FRY: variants seen among roughly 807,000 people sequenced by gnomAD.
FRY encodes the protein protein furry homolog.
A neutral mutation model predicts 348.4 loss-of-function variants in FRY; 128 were observed. The observed-to-expected ratio is 0.37, with a 90% CI of 0.32 to 0.43. The LOEUF (loss-of-function observed/expected upper bound fraction) is 0.43. FRY is among the 20% of genes least tolerant of loss of function. The pLI is 1.00. For missense variants in FRY, 2,736 were observed against 3,695.2 expected (o/e 0.74, Z 6.73); for synonymous variants, 1,370 against 1,374.7 (o/e 1.00, Z 0.08).
chr13:32,178,389 T>C lies in FRY; in HGVS notation c.2634T>C (p.Pro878=), dbSNP rs751661534. Residue 878 remains proline (P), a synonymous_variant, in exon 21 of 61, where the codon CCT becomes CCC. Coordinates refer to ENST00000542859, the MANE Select transcript of FRY (RefSeq NM_023037.3). ...HCPTALSYAW[P]YAFTRLQSVM... ...CCACAGCCCTCAGCTATGCCTGGCC[T>C]TATGCCTTCACTCGGCTCCAGTCGG... 7 of 1,614,042 alleles carry C rather than the reference T, an allele frequency of 4.3e-6. No individual in the cohort carries two copies. The highest frequency in any genetic ancestry group is 5.9e-6 in the Non-Finnish European group (7 of 1,179,992).
intron 3 of FRY, among the ~76,000 whole-genome samples, chr13:32,109,666 C>T (rs1877827006): frequency 6.6e-6 from 1 of 151,916 alleles, no homozygotes; most frequent in African/African-American, 2.4e-5. Flanking sequence ...GCTGAGGGGT[C>T]TAGATTATTT....
chr13:32,091,367 G>C (rs1204554355), intron 2 of FRY, among the ~76,000 whole-genome samples: 1 of 152,196 alleles, frequency 6.6e-6, no homozygotes, highest in East Asian at 1.9e-4. Flanking sequence ...TACCCCTCAT[G>C]ATGGGGAAGT....
At chr13:32,275,846 C>T (rs760365447) in intron 56 of FRY, among the ~76,000 whole-genome samples, 4 of 151,652 alleles carry the variant, frequency 2.6e-5, no homozygotes, top group African/African-American at 4.8e-5. Flanking sequence ...GCGAGACTGA[C>T]GAGCTCCTGG....
intron 1 of FRY, among the ~76,000 whole-genome samples, chr13:32,055,176 C>G (rs1873556046): frequency 6.6e-6 from 1 of 152,070 alleles, no homozygotes; most frequent in African/African-American, 2.4e-5. Flanking sequence ...TCCTGAGTAC[C>G]TGGGCCCACA....
intron 50 of FRY, 83 bp from the exon 51 acceptor site, chr13:32,254,141 C>A: frequency 1.6e-6 from 2 of 1,225,214 alleles, no homozygotes; most frequent in Non-Finnish European, 1.2e-6. Context: ...AAATACGGTG[C>A]TATGAAGAGC....
chr13:32,202,363 A>G lies in FRY; in HGVS notation c.3854A>G (p.Glu1285Gly). 1.2e-6 allele frequency: 2 copies of G among 1,613,756 alleles called. No homozygotes were observed. The highest frequency in any genetic ancestry group is 1.7e-6 in the Non-Finnish European group (2 of 1,179,688). ...EISMQLMQIL[E>G]AKLFVYSKKV... ...TTTCCTACATCTTTATAGATCCTTG[A>G]AGCAAAGCTTTTTGTATACTCAAAG... The change falls in exon 31 of 61, where the codon GAA becomes GGA. Residue 1285 changes from glutamate to glycine, a missense_variant. Transcript: ENST00000542859.
chr13:32,233,606 T>C (rs1428861913), intron 41 of FRY, among the ~76,000 whole-genome samples: 3 of 152,240 alleles, frequency 2.0e-5, no homozygotes, highest in Non-Finnish European at 4.4e-5. Flanking sequence ...GGCACAGGCC[T>C]TAGTTGTGTT....
intron 1 of FRY, among the ~76,000 whole-genome samples, chr13:32,076,194 G>C (rs921984386): frequency 6.6e-6 from 1 of 152,130 alleles, no homozygotes; most frequent in Non-Finnish European, 1.5e-5. Flanking sequence ...TTAGGCCCCA[G>C]AGTCATGCAA....
At chr13:32,032,352 A>AT (rs1188632175) in intron 1 of FRY, among the ~76,000 whole-genome samples, 1 of 152,204 alleles carries the variant, frequency 6.6e-6, no homozygotes, top group African/African-American at 2.4e-5. Context: ...AAAGAAAAGT[A>AT]TTTAATAGTC....
intron 31 of FRY, among the ~76,000 whole-genome samples, chr13:32,207,167 C>T (rs746131875): frequency 1.3e-5 from 2 of 152,140 alleles, no homozygotes; most frequent in Non-Finnish European, 2.9e-5. Flanking sequence ...GTCTTTGCTC[C>T]GAAAAGTCCA....
rs567336725 is a variant in FRY at position 32,062,775 on chromosome 13, T to C, written c.71-16059T>C. 3.3e-5 allele frequency among the ~76,000 whole-genome samples: 5 copies of C among 152,250 alleles called. No individual in the cohort carries two copies. The South Asian group carries it at 1.0e-3, about 32-fold the overall frequency. ...CTTAACTCATCATTGAATAAATGTT[T>C]ATTGAGCTTCTGTTGTAAACACTGT... On this transcript the variant is annotated intron_variant, in intron 1 of 60. Transcript: ENST00000542859.
chr13:32,135,886 T>G (rs1879683687), intron 10 of FRY, among the ~76,000 whole-genome samples: 1 of 152,206 alleles, frequency 6.6e-6, no homozygotes, highest in Non-Finnish European at 1.5e-5. Flanking sequence ...TACTTAGGGT[T>G]GCTTTGCTGG....
chr13:32,053,112 C>CA (rs113400659), intron 1 of FRY, among the ~76,000 whole-genome samples: 210 of 135,670 alleles, frequency 1.5e-3, no homozygotes, highest in South Asian at 6.5e-3. Context: ...GACTCCATCT[C>CA]AAAAAAAAAA....
At chr13:32,279,453 A>C (rs1888709930) in intron 58 of FRY, among the ~76,000 whole-genome samples, 2 of 152,348 alleles carry the variant, frequency 1.3e-5, no homozygotes, top group Middle Eastern at 3.4e-3. Context: ...AGAAGTTGGC[A>C]GAAGAAGCCC....
intron 47 of FRY, among the ~76,000 whole-genome samples, chr13:32,246,732 G>T (rs898130308): frequency 3.3e-5 from 5 of 152,244 alleles, no homozygotes; most frequent in African/African-American, 1.2e-4. Context: ...AGGCCCAAGA[G>T]GGTGCCGCTG....
intron 4 of FRY, among the ~76,000 whole-genome samples, chr13:32,121,570 T>C (rs905172432): frequency 1.3e-5 from 2 of 152,250 alleles, no homozygotes; most frequent in Non-Finnish European, 2.9e-5. Context: ...GTTGGCCATT[T>C]GTATGTCTTC....
chr13:32,166,657 C>G (rs1439015176), intron 17 of FRY, among the ~76,000 whole-genome samples: 1 of 150,576 alleles, frequency 6.6e-6, no homozygotes, highest in Non-Finnish European at 1.5e-5. Flanking sequence ...GCAACTGTAT[C>G]TGACAGGCAG....
In FRY at chr13:32,172,072, G is replaced by T. The variant is rs73462662; in HGVS notation, c.2151+802G>T. Among the ~76,000 whole-genome samples the T allele has an allele frequency of 3.5e-3, 519 of 150,284 alleles. 2 individuals are homozygous for T. Among genetic ancestry groups the T allele is most frequent in the African/African-American group, 0.012 (496 of 40,920 alleles). ...GATATGGATGTGGATGTAGGTGTGG[G>T]TGTGGATGTAGATAGGATATGGATG... is the stretch of plus-strand genomic sequence containing the variant. On this transcript the variant is annotated intron_variant, in intron 18 of 60. Transcript: ENST00000542859.
chr13:32,068,583 A>C (rs183486594), intron 1 of FRY, among the ~76,000 whole-genome samples: 3 of 152,350 alleles, frequency 2.0e-5, no homozygotes, highest in Admixed American at 2.0e-4. Context: ...TTACTGTCAT[A>C]TCTCTCAGAT....
Sources: gnomAD v4.1 joint callset for allele counts (sites outside exome capture counted in the v4.1 genomes callset) on GRCh38, gnomAD v4.1.1 for gene constraint, MANE v1.5 for transcripts, NCBI Gene and HGNC (gene_info 2026-07-23, HGNC 2026-07-21) for gene names.